The following OPCML variants were observed in gnomAD, a reference collection of about 807,000 sequenced individuals.
OPCML encodes opioid binding protein/cell adhesion molecule like.
In OPCML, 13 loss-of-function variants were observed where a neutral mutation model predicts 37.8. That is an observed-to-expected ratio of 0.34 (90% CI 0.22 to 0.55). OPCML has a LOEUF of 0.55. Among genes scored for constraint, OPCML ranks in the 20% least tolerant of loss-of-function variants. The probability of loss-of-function intolerance (pLI) is 0.91; values close to 1 mark genes in which losing one functional copy is unlikely to be tolerated. For missense variants in OPCML, 341 were observed against 435.6 expected, an observed-to-expected ratio of 0.78 and a Z score of 1.93; for synonymous variants, 176 against 168.8, an observed-to-expected ratio of 1.04 and a Z score of -0.33.
At chr11:132,763,480 G>T (rs543562440) in intron 2 of OPCML, among the ~76,000 whole-genome samples, 1 of 152,136 alleles carries the variant, frequency 6.6e-6, no homozygotes, top group Non-Finnish European at 1.5e-5. Flanking sequence ...GAAAAGTGAC[G>T]CTCTTTCCAC....
chr11:133,385,115 A>C (rs1296745731), intron 1 of OPCML, among the ~76,000 whole-genome samples: 1 of 152,160 alleles, frequency 6.6e-6, no homozygotes. Flanking sequence ...CCTAAGAGGC[A>C]GTGATGCCAC....
intron 1 of OPCML, among the ~76,000 whole-genome samples, chr11:133,329,574 G>A (rs1943568522): frequency 6.6e-6 from 1 of 152,180 alleles, no homozygotes; most frequent in African/African-American, 2.4e-5. Flanking sequence ...ACAAAAACAA[G>A]CAATGAATGG....
At chr11:133,426,022 A>ACTT (rs1322289074) in intron 1 of OPCML, among the ~76,000 whole-genome samples, 9 of 152,260 alleles carry the variant, frequency 5.9e-5, no homozygotes, top group East Asian at 3.9e-4. Flanking sequence ...CTCCTCATAT[A>ACTT]CTTTTGTTCT....
chr11:132,805,227 C>T (rs1018266743), intron 2 of OPCML, among the ~76,000 whole-genome samples: 9 of 151,736 alleles, frequency 5.9e-5, no homozygotes, highest in Admixed American at 3.9e-4. Context: ...AGAAATTATG[C>T]AATTTTAAGA....
intron 1 of OPCML, among the ~76,000 whole-genome samples, chr11:133,302,829 A>C: frequency 6.6e-6 from 1 of 152,192 alleles, no homozygotes; most frequent in African/African-American, 2.4e-5. Flanking sequence ...AGAGATTCTC[A>C]CAATTTAAAG....
intron 1 of OPCML, among the ~76,000 whole-genome samples, chr11:133,464,684 G>A (rs1023252753): frequency 6.6e-6 from 1 of 152,288 alleles, no homozygotes; most frequent in African/African-American, 2.4e-5. Context: ...CTGTGTGGCT[G>A]AGGTGGACAC....
intron 1 of OPCML, among the ~76,000 whole-genome samples, chr11:133,217,322 T>A (rs939200089): frequency 6.6e-6 from 1 of 152,180 alleles, no homozygotes; most frequent in Non-Finnish European, 1.5e-5. Flanking sequence ...TCTCACCCGT[T>A]CCCATGGGCA....
chr11:132,533,286 A>G (rs1157035908), intron 3 of OPCML, among the ~76,000 whole-genome samples: 1 of 152,190 alleles, frequency 6.6e-6, no homozygotes, highest in Non-Finnish European at 1.5e-5. Flanking sequence ...ATGCACAACT[A>G]CGGTAACTTC....
chr11:132,581,121 G>A (rs371759193), intron 3 of OPCML, among the ~76,000 whole-genome samples: 4 of 152,132 alleles, frequency 2.6e-5, no homozygotes, highest in Non-Finnish European at 4.4e-5. Context: ...GCAACCAAGC[G>A]TGACTTGCCC....
chr11:133,186,755 G>A (rs1297220499), intron 1 of OPCML, among the ~76,000 whole-genome samples: 1 of 152,210 alleles, frequency 6.6e-6, no homozygotes, highest in East Asian at 1.9e-4. Context: ...TTTAGAAGGT[G>A]CAGGCAAGCA....
chr11:133,316,952 C>T lies in OPCML; in HGVS notation c.61+215312G>A, dbSNP rs142560607. On this transcript the variant is annotated intron_variant, in intron 1 of 7. Coordinates refer to ENST00000524381, the MANE Select transcript of OPCML (RefSeq NM_001012393.5). ...GTGGCTCACACCTGTAATCCCAGCA[C>T]TTTGGGAGGCCAAGGTGGGCAGATC... 2.0e-5 allele frequency among the ~76,000 whole-genome samples: 3 copies of T among 152,340 alleles called. No individual in the cohort carries two copies. In the East Asian group the frequency reaches 5.8e-4, roughly 29 times the overall value.
chr11:133,172,531 G>C (rs979368187), intron 1 of OPCML, among the ~76,000 whole-genome samples: 3 of 152,176 alleles, frequency 2.0e-5, no homozygotes, highest in African/African-American at 7.2e-5. Flanking sequence ...TAGTGAAAGT[G>C]AAAGAGCTCA....
At chr11:133,333,757 T>G (rs530235862) in intron 1 of OPCML, among the ~76,000 whole-genome samples, 63 of 152,340 alleles carry the variant, frequency 4.1e-4, no homozygotes, top group Non-Finnish European at 7.9e-4. Context: ...AAAGGTCTAG[T>G]ATCCAGCATC....
chr11:132,841,606 G>A (rs114651480), intron 2 of OPCML, among the ~76,000 whole-genome samples: 11,219 of 151,894 alleles, frequency 0.074, 509 homozygotes, highest in Middle Eastern at 0.12. Context: ...TTTTGAGGAC[G>A]GGCCTGGTGG....
chr11:133,158,559 G>GC (rs1432823686), intron 1 of OPCML, among the ~76,000 whole-genome samples: 2 of 151,846 alleles, frequency 1.3e-5, no homozygotes, highest in Non-Finnish European at 2.9e-5. Flanking sequence ...AATTAGTCAG[G>GC]CATGGTGGCG....
chr11:133,105,851 G>C (rs192642995), intron 1 of OPCML, among the ~76,000 whole-genome samples: 22 of 152,002 alleles, frequency 1.4e-4, no homozygotes, highest in African/African-American at 4.8e-4. Context: ...GCATGGTGGC[G>C]GGTGCCTGTA....
chr11:132,417,654 C>T lies in OPCML; in HGVS notation c.*2539G>A, dbSNP rs1238524628. 1 of 152,174 alleles carries T rather than the reference C, an allele frequency of 6.6e-6. No individual in the cohort carries two copies. Among genetic ancestry groups the T allele is most frequent in the Admixed American group, 6.5e-5 (1 of 15,276 alleles). The allele number at this position is 152,174 out of a possible 1,614,324, so 9.4% of individuals were successfully genotyped here. On this transcript the variant is annotated 3_prime_UTR_variant, in exon 8 of 8. Transcript: ENST00000524381. ...TGTCCATTTCAAGCACTGTGTTCTCCAAGACTGTCCACTCTTCACAGCCTT... is the reference window on the plus strand; with the variant it reads ...TGTCCATTTCAAGCACTGTGTTCTCTAAGACTGTCCACTCTTCACAGCCTT...
intron 1 of OPCML, among the ~76,000 whole-genome samples, chr11:133,314,593 C>T (rs1247303929): frequency 6.6e-6 from 1 of 151,948 alleles, no homozygotes; most frequent in Non-Finnish European, 1.5e-5. Context: ...AAAACACAGT[C>T]CACGCTGCCA....
chr11:132,520,393 C>T (rs1269412469), intron 4 of OPCML, among the ~76,000 whole-genome samples: 1 of 152,080 alleles, frequency 6.6e-6, no homozygotes, highest in Non-Finnish European at 1.5e-5. Context: ...GTGAAATAGA[C>T]AAATTATTCT....
Sources: gnomAD v4.1 joint callset for allele counts (sites outside exome capture counted in the v4.1 genomes callset) on GRCh38, gnomAD v4.1.1 for gene constraint, MANE v1.5 for transcripts, NCBI Gene and HGNC (gene_info 2026-07-23, HGNC 2026-07-21) for gene names.